The following PLXDC2 variants were observed in gnomAD, a reference collection of about 807,000 sequenced individuals.
PLXDC2 encodes the protein plexin domain-containing protein 2.
A neutral mutation model predicts 68.9 loss-of-function variants in PLXDC2; 40 were observed. That is an observed-to-expected ratio of 0.58 (90% CI 0.45 to 0.76). PLXDC2 has a LOEUF of 0.76. PLXDC2 is among the 30% of genes least tolerant of loss of function. PLXDC2 has a pLI of 0.00. For missense variants in PLXDC2, 644 were observed against 661.9 expected (o/e 0.97, Z 0.30); for synonymous variants, 243 against 234.2 (o/e 1.04, Z -0.34).
rs1253453474 is a variant in PLXDC2, at chr10:20,281,408, G to A, written c.*1589G>A. 1.3e-5 allele frequency: 2 copies of A among 152,028 alleles called. No homozygotes were observed. Among genetic ancestry groups the A allele is most frequent in the Non-Finnish European group, 2.9e-5 (2 of 67,984 alleles). The allele number at this position is 152,028 out of a possible 1,614,324, so 9.4% of individuals were successfully genotyped here. A position where few individuals can be genotyped will look rare whatever the true frequency, so the allele number is the denominator to read the frequency against. On this transcript the variant is annotated 3_prime_UTR_variant, in exon 14 of 14. Transcript: ENST00000377252. ...CCAAGAAACTGTTGGCTTTTGTAAG[G>A]TACAGTGCTCAACATTTGCAGATTC...
intron 13 of PLXDC2, among the ~76,000 whole-genome samples, chr10:20,275,906 C>T (rs140019916): frequency 0.03 from 4,524 of 151,818 alleles, 96 homozygotes; most frequent in Middle Eastern, 0.054. Context: ...GAGTAAGACT[C>T]CATCTCAAAA....
chr10:19,928,296 A>G (rs1038413301), intron 1 of PLXDC2, among the ~76,000 whole-genome samples: 1 of 152,140 alleles, frequency 6.6e-6, no homozygotes, highest in Admixed American at 6.6e-5. Flanking sequence ...TTCTTTTCCA[A>G]TGCCACCAAA....
chr10:19,842,874 C>T (rs957188549), intron 1 of PLXDC2, among the ~76,000 whole-genome samples: 4 of 152,008 alleles, frequency 2.6e-5, no homozygotes, highest in Non-Finnish European at 5.9e-5. Context: ...CTTTTGACGT[C>T]ATGTTTATAT....
intron 1 of PLXDC2, among the ~76,000 whole-genome samples, chr10:19,992,744 C>A (rs567870993): frequency 6.6e-6 from 1 of 152,268 alleles, no homozygotes; most frequent in East Asian, 1.9e-4. Context: ...TCCGTTTTTA[C>A]CTTAACAGCA....
intron 1 of PLXDC2, among the ~76,000 whole-genome samples, chr10:19,944,547 C>T (rs923596541): frequency 2.6e-5 from 4 of 152,158 alleles, no homozygotes; most frequent in Non-Finnish European, 5.9e-5. Context: ...TTGGGCAGTC[C>T]CTGAAAATGA....
intron 1 of PLXDC2, among the ~76,000 whole-genome samples, chr10:19,821,622 A>T (rs1477343319): frequency 1.3e-5 from 2 of 152,220 alleles, no homozygotes; most frequent in Admixed American, 6.5e-5. Context: ...AACTGAACTG[A>T]CTAGAACTAT....
intron 4 of PLXDC2, among the ~76,000 whole-genome samples, chr10:20,124,536 C>A (rs2461927): frequency 3.3e-5 from 5 of 152,170 alleles, no homozygotes; most frequent in Non-Finnish European, 7.4e-5. Context: ...ACCAAATTTC[C>A]TGCGTGTCTG....
intron 1 of PLXDC2, among the ~76,000 whole-genome samples, chr10:19,937,953 T>G (rs1010924124): frequency 2.0e-5 from 3 of 152,128 alleles, no homozygotes; most frequent in African/African-American, 4.8e-5. Context: ...TAATCATGGC[T>G]TTAGGCACAG....
At chr10:20,171,393 C>T (rs1207576671) in intron 7 of PLXDC2, among the ~76,000 whole-genome samples, 5 of 152,136 alleles carry the variant, frequency 3.3e-5, no homozygotes, top group Admixed American at 6.6e-5. Flanking sequence ...CTTAACAGCA[C>T]AATTTCATTA....
chr10:20,035,839 C>T (rs951654602), intron 2 of PLXDC2, among the ~76,000 whole-genome samples: 9 of 152,156 alleles, frequency 5.9e-5, no homozygotes, highest in South Asian at 4.1e-4. Context: ...AGCTTTTCCA[C>T]AGAAGTTGAT....
intron 3 of PLXDC2, among the ~76,000 whole-genome samples, chr10:20,055,059 C>T (rs760844394): frequency 6.6e-6 from 1 of 152,006 alleles, no homozygotes; most frequent in Non-Finnish European, 1.5e-5. Flanking sequence ...TATGAAACAC[C>T]AGCAAAATGA....
chr10:19,934,802 A>G (rs1234564968), intron 1 of PLXDC2, among the ~76,000 whole-genome samples: 1 of 152,230 alleles, frequency 6.6e-6, no homozygotes, highest in Non-Finnish European at 1.5e-5. Flanking sequence ...TATAAGAGCC[A>G]TCTAATCATC....
chr10:19,852,027 T>G (rs564495023), intron 1 of PLXDC2, among the ~76,000 whole-genome samples: 1 of 152,238 alleles, frequency 6.6e-6, no homozygotes, highest in Non-Finnish European at 1.5e-5. Flanking sequence ...CAAAGTGTGG[T>G]CCATAGCAAC....
intron 1 of PLXDC2, among the ~76,000 whole-genome samples, chr10:19,871,340 T>C (rs1589511374): frequency 6.6e-6 from 1 of 152,124 alleles, no homozygotes; most frequent in South Asian, 2.1e-4. Context: ...CCTTTAATAA[T>C]TAGAAGATAA....
intron 1 of PLXDC2, among the ~76,000 whole-genome samples, chr10:19,988,691 C>G (rs1359835290): frequency 2.2e-5 from 3 of 137,636 alleles, no homozygotes; most frequent in Non-Finnish European, 4.6e-5. Context: ...TTGTTATTTT[C>G]TGGTCAAGAT....
chr10:20,111,722 C>G (rs1013475465), intron 4 of PLXDC2, among the ~76,000 whole-genome samples: 3 of 152,196 alleles, frequency 2.0e-5, no homozygotes, highest in Non-Finnish European at 2.9e-5. Flanking sequence ...CTCACGGTTA[C>G]TCCTTCTTGT....
rs532036572 is a variant in PLXDC2, at chr10:20,285,733, G to C, written c.*5914G>C. On this transcript the variant is annotated 3_prime_UTR_variant, in exon 14 of 14. Coordinates refer to ENST00000377252, the MANE Select transcript of PLXDC2 (RefSeq NM_032812.9). ...TGAATTATTAATATCACTGTTTTGA[G>C]GTATTCAGAAACACCAGTGTATCAA... 98 of 152,204 alleles carry C rather than the reference G, an allele frequency of 6.4e-4. 2 individuals are homozygous for C. Among genetic ancestry groups the C allele is most frequent in the African/African-American group, 2.2e-3 (90 of 41,514 alleles). 9.4% of individuals were successfully genotyped at this position (152,204 alleles called of 1,614,324 possible).
chr10:20,142,241 G>GA (rs1834016179), intron 4 of PLXDC2, among the ~76,000 whole-genome samples: 1 of 152,056 alleles, frequency 6.6e-6, no homozygotes. Flanking sequence ...TGTGAAAGTA[G>GA]AAAAATGATT....
chr10:20,169,767 A>G (rs932904395), intron 7 of PLXDC2, among the ~76,000 whole-genome samples: 5 of 152,206 alleles, frequency 3.3e-5, no homozygotes, highest in African/African-American at 4.8e-5. Flanking sequence ...GTAAAGAGAA[A>G]GTTACGTTAA....
Sources: allele counts gnomAD v4.1 joint callset (sites outside exome capture counted in the v4.1 genomes callset), GRCh38; gene constraint gnomAD v4.1.1; transcripts MANE v1.5; gene names NCBI Gene and HGNC (gene_info 2026-07-23, HGNC 2026-07-21).